SGCZ: variants seen among roughly 807,000 people sequenced by gnomAD.
The protein encoded by SGCZ is sarcoglycan zeta.
SGCZ carries 40 observed loss-of-function variants against 41.3 expected under a neutral mutation model. That is an observed-to-expected ratio of 0.97 (90% confidence interval 0.75 to 1.26). SGCZ has a LOEUF of 1.26. SGCZ is among the 50% of genes most tolerant of loss of function. The probability of loss-of-function intolerance (pLI) is 0.00; values close to 1 mark genes in which losing one functional copy is unlikely to be tolerated. For missense variants in SGCZ, 552 were observed against 369.8 expected, an observed-to-expected ratio of 1.49 and a Z score of -4.04; for synonymous variants, 206 against 137.5, an observed-to-expected ratio of 1.50 and a Z score of -3.49.
At chr8:15,147,557 C>T (rs1325384452) in intron 1 of SGCZ, among the ~76,000 whole-genome samples, 2 of 152,214 alleles carry the variant, frequency 1.3e-5, no homozygotes, top group Non-Finnish European at 2.9e-5. Context: ...GGATCACAGG[C>T]GTGAGCTGCC....
intron 1 of SGCZ, among the ~76,000 whole-genome samples, chr8:14,742,084 A>G (rs1019222000): frequency 3.3e-5 from 5 of 152,108 alleles, no homozygotes; most frequent in East Asian, 3.9e-4. Context: ...TTTAGAGGGA[A>G]AAAAAACCTA....
At chr8:14,459,920 C>T (rs1173030853) in intron 2 of SGCZ, among the ~76,000 whole-genome samples, 1 of 151,862 alleles carries the variant, frequency 6.6e-6, no homozygotes, top group Non-Finnish European at 1.5e-5. Flanking sequence ...CATAAAAAGA[C>T]AAGAAAAAAC....
intron 1 of SGCZ, among the ~76,000 whole-genome samples, chr8:14,956,561 T>C (rs1043463983): frequency 1.3e-5 from 2 of 152,162 alleles, no homozygotes; most frequent in African/African-American, 4.8e-5. Context: ...GTGCATACAA[T>C]GTCTTATAAG....
intron 2 of SGCZ, among the ~76,000 whole-genome samples, chr8:14,416,930 T>G (rs1390971953): frequency 6.6e-6 from 1 of 151,906 alleles, no homozygotes; most frequent in Non-Finnish European, 1.5e-5. Flanking sequence ...AGCATATGTG[T>G]GACAGTTTTC....
chr8:15,097,858 G>A (rs5029603), intron 1 of SGCZ, among the ~76,000 whole-genome samples: 357 of 3,862 alleles, frequency 0.092, 9 homozygotes, highest in South Asian at 0.19. Flanking sequence ...ATATATATAC[G>A]TGTGTGTGTA....
At chr8:14,211,544 C>G (rs1301160379) in intron 4 of SGCZ, among the ~76,000 whole-genome samples, 4 of 152,132 alleles carry the variant, frequency 2.6e-5, no homozygotes, top group African/African-American at 9.7e-5. Context: ...TTAACTGACT[C>G]ACAGTTCCCC....
At chr8:14,617,959 T>C (rs13280211) in intron 1 of SGCZ, among the ~76,000 whole-genome samples, 23,767 of 151,970 alleles carry the variant, frequency 0.16, 2,305 homozygotes, top group South Asian at 0.22. Flanking sequence ...AAATAGATAT[T>C]ATTTCCCTGT....
At chr8:14,265,895 G>T (rs1799851195) in intron 3 of SGCZ, among the ~76,000 whole-genome samples, 1 of 151,708 alleles carries the variant, frequency 6.6e-6, no homozygotes, top group South Asian at 2.1e-4. Flanking sequence ...GAAATAACTA[G>T]TGAAGTCAGG....
chr8:14,161,837 A>C (rs577504019), intron 5 of SGCZ, among the ~76,000 whole-genome samples: 31 of 152,260 alleles, frequency 2.0e-4, no homozygotes, highest in African/African-American at 7.2e-4. Flanking sequence ...AGTGTGAAAC[A>C]CATATATGTA....
rs554251349 is a variant in SGCZ at position 15,022,938 on chromosome 8, C to T, written c.39+214647G>A. ...CAGTGTGTGGCAGAACCTCACATTC[C>T]GACAGTAAGCCTTGGACCCGACAGG... is the stretch of plus-strand genomic sequence containing the variant. On this transcript the variant is annotated intron_variant, in intron 1 of 7. Transcript: ENST00000382080. Among the ~76,000 whole-genome samples the T allele has an allele frequency of 7.2e-5, 11 of 152,226 alleles. No homozygotes were observed. In the South Asian group the frequency reaches 1.2e-3, roughly 17 times the overall value.
At position 14,684,227 on chromosome 8, in the gene SGCZ, T is replaced by G. The variant is rs1808535898; in HGVS notation, c.40-129301A>C. ...AATGCAATTTTTACTTGGCATCTGA[T>G]GGCTTCTTAAATGATGTTTTGGCCC... On this transcript the variant is annotated intron_variant, in intron 1 of 7. Coordinates refer to ENST00000382080, the MANE Select transcript of SGCZ (RefSeq NM_139167.4). 2.0e-5 allele frequency among the ~76,000 whole-genome samples: 3 copies of G among 152,184 alleles called. No individual in the cohort carries two copies. The South Asian group carries it at 6.2e-4, about 31-fold the overall frequency.
intron 1 of SGCZ, among the ~76,000 whole-genome samples, chr8:15,179,610 G>C (rs1474406777): frequency 6.6e-6 from 1 of 152,116 alleles, no homozygotes; most frequent in Non-Finnish European, 1.5e-5. Flanking sequence ...ATGGCACAAA[G>C]CATGGTACAC....
intron 1 of SGCZ, among the ~76,000 whole-genome samples, chr8:14,619,557 A>C (rs1036527065): frequency 6.6e-6 from 1 of 152,202 alleles, no homozygotes; most frequent in African/African-American, 2.4e-5. Flanking sequence ...GTCTCAGCCC[A>C]AAATCTCCTT....
chr8:14,577,355 A>C (rs1804741419), intron 1 of SGCZ, among the ~76,000 whole-genome samples: 1 of 151,644 alleles, frequency 6.6e-6, no homozygotes, highest in Non-Finnish European at 1.5e-5. Flanking sequence ...TAATAATTTT[A>C]CATGAAATAA....
intron 1 of SGCZ, among the ~76,000 whole-genome samples, chr8:14,583,283 G>GT (rs1248179295): frequency 6.6e-6 from 1 of 151,774 alleles, no homozygotes; most frequent in African/African-American, 2.4e-5. Flanking sequence ...TTTTTCATGT[G>GT]TTTTTTGGCT....
At chr8:14,860,387 TG>T (rs1803683433) in intron 1 of SGCZ, among the ~76,000 whole-genome samples, 1 of 151,350 alleles carries the variant, frequency 6.6e-6, no homozygotes, top group East Asian at 2.0e-4. Flanking sequence ...ATTGACAAAC[TG>T]GGTTTTAACT....
intron 5 of SGCZ, among the ~76,000 whole-genome samples, chr8:14,118,416 GT>G (rs1203915884): frequency 6.6e-6 from 1 of 152,082 alleles, no homozygotes; most frequent in South Asian, 2.1e-4. Context: ...TGATGGGGTT[GT>G]TTTTTTCTTG....
At chr8:14,251,688 C>T (rs143350162) in intron 3 of SGCZ, among the ~76,000 whole-genome samples, 253 of 151,980 alleles carry the variant, frequency 1.7e-3, no homozygotes, top group African/African-American at 5.9e-3. Context: ...ATAAATAATG[C>T]ATAGTATTAG....
intron 1 of SGCZ, among the ~76,000 whole-genome samples, chr8:15,119,665 T>C (rs1807406324): frequency 6.6e-6 from 1 of 152,078 alleles, no homozygotes; most frequent in Non-Finnish European, 1.5e-5. Flanking sequence ...TTTAGTAATA[T>C]GATTCCTTTT....
Sources: gnomAD v4.1 joint callset for allele counts (sites outside exome capture counted in the v4.1 genomes callset) on GRCh38, gnomAD v4.1.1 for gene constraint, MANE v1.5 for transcripts, NCBI Gene and HGNC (gene_info 2026-07-23, HGNC 2026-07-21) for gene names.